ERBB4: variants seen among roughly 807,000 people sequenced by gnomAD.
ERBB4 encodes the protein erb-b2 receptor tyrosine kinase 4, also known as receptor tyrosine-protein kinase erbB-4.
A neutral mutation model predicts 158.0 loss-of-function variants in ERBB4; 42 were observed. The observed-to-expected ratio is 0.27, with a 90% confidence interval of 0.21 to 0.34. ERBB4 has a LOEUF of 0.34. ERBB4 is among the 10% of genes least tolerant of loss of function. ERBB4 has a pLI of 1.00. For missense variants in ERBB4, 1,333 were observed against 1,624.1 expected, an observed-to-expected ratio of 0.82 and a Z score of 3.08; for synonymous variants, 583 against 558.7, an observed-to-expected ratio of 1.04 and a Z score of -0.61.
At chr2:211,888,808 G>T (rs2078878757) in intron 3 of ERBB4, among the ~76,000 whole-genome samples, 1 of 151,758 alleles carries the variant, frequency 6.6e-6, no homozygotes, top group Non-Finnish European at 1.5e-5. Context: ...GGAAAATCGG[G>T]TCACTCCCAC....
At position 211,944,398 on chromosome 2, in the gene ERBB4, A is replaced by G. The variant is rs191438188; in HGVS notation, c.421+3032T>C. Among the ~76,000 whole-genome samples, 8 of 151,668 alleles carry G rather than the reference A, an allele frequency of 5.3e-5. No homozygotes were observed. The East Asian group carries it at 1.6e-3, about 29-fold the overall frequency. On this transcript the variant is annotated intron_variant, in intron 3 of 27. Coordinates refer to ENST00000342788, the MANE Select transcript of ERBB4 (RefSeq NM_005235.3). Reference sequence around the variant, plus strand: ...ATTATTATTGTCTTTTTAATGGTTTATCATTATACAAAGTTGATGTTTGGC... The same window carrying G: ...ATTATTATTGTCTTTTTAATGGTTTGTCATTATACAAAGTTGATGTTTGGC...
intron 20 of ERBB4, among the ~76,000 whole-genome samples, chr2:211,469,530 T>A (rs2064780214): frequency 6.6e-6 from 1 of 152,142 alleles, no homozygotes; most frequent in Non-Finnish European, 1.5e-5. Flanking sequence ...TATATATGTA[T>A]CCTCCTAGGT....
chr2:211,978,212 GGGTAAGTGC>G (rs563726437), intron 2 of ERBB4, among the ~76,000 whole-genome samples: 79 of 152,134 alleles, frequency 5.2e-4, no homozygotes, highest in African/African-American at 1.8e-3. Context: ...TCTGGCAGTT[GGGTAAGTGC>G]AGGGCAATTG....
chr2:212,535,059 AAAAT>A (rs1210455613), intron 1 of ERBB4, among the ~76,000 whole-genome samples: 8 of 152,182 alleles, frequency 5.3e-5, no homozygotes, highest in Non-Finnish European at 1.0e-4. Context: ...ATACATGATT[AAAAT>A]AAATAAAAGC....
chr2:211,938,565 A>C (rs1465892443), intron 3 of ERBB4, among the ~76,000 whole-genome samples: 1 of 152,198 alleles, frequency 6.6e-6, no homozygotes, highest in Admixed American at 6.5e-5. Flanking sequence ...CTCATTGGCC[A>C]CATCTGGCTA....
intron 7 of ERBB4, among the ~76,000 whole-genome samples, chr2:211,718,449 G>A (rs576794586): frequency 6.6e-6 from 1 of 152,086 alleles, no homozygotes; most frequent in South Asian, 2.1e-4. Flanking sequence ...AAATACCTTG[G>A]GGATGAAACC....
chr2:211,728,511 C>A (rs1248960243), intron 5 of ERBB4, among the ~76,000 whole-genome samples: 1 of 151,622 alleles, frequency 6.6e-6, no homozygotes, highest in African/African-American at 2.4e-5. Context: ...AAAGGAAACA[C>A]TTTTAACAGA....
rs560153210 is a variant in ERBB4, at chr2:211,528,221, C to G, written c.2487+33682G>C. On this transcript the variant is annotated intron_variant, in intron 20 of 27. Transcript: ENST00000342788. ...CAAGAGTTGCTATATTTATATCAGA[C>G]AAAATAGATTTCAAGACAAAAACTA... Among the ~76,000 whole-genome samples the G allele has an allele frequency of 2.0e-5, 3 of 151,898 alleles. No individual in the cohort carries two copies. In the East Asian group the frequency reaches 5.8e-4, roughly 29 times the overall value.
chr2:212,060,215 A>T (rs186022822), intron 2 of ERBB4, among the ~76,000 whole-genome samples: 91 of 152,346 alleles, frequency 6.0e-4, no homozygotes, highest in African/African-American at 2.0e-3. Flanking sequence ...AAAAATGCTC[A>T]TCATGACTGG....
intron 3 of ERBB4, among the ~76,000 whole-genome samples, chr2:211,944,193 ATATATAC>A (rs1447321075): frequency 3.7e-4 from 24 of 64,554 alleles, no homozygotes; most frequent in African/African-American, 1.8e-3. Flanking sequence ...ATATATATAT[ATATATAC>A]TATATATATA....
intron 5 of ERBB4, among the ~76,000 whole-genome samples, chr2:211,725,458 A>G (rs539338559): frequency 6.6e-6 from 1 of 151,402 alleles, no homozygotes; most frequent in African/African-American, 2.4e-5. Flanking sequence ...AAAGAATCCA[A>G]TTTGAAGTCA....
chr2:212,311,753 A>T (rs1289436753), intron 1 of ERBB4, among the ~76,000 whole-genome samples: 1 of 151,010 alleles, frequency 6.6e-6, no homozygotes, highest in Admixed American at 6.6e-5. Flanking sequence ...ATTAACCAGA[A>T]GCAAAAAGTT....
At chr2:211,548,072 C>T (rs184975065) in intron 20 of ERBB4, among the ~76,000 whole-genome samples, 27 of 152,214 alleles carry the variant, frequency 1.8e-4, no homozygotes, top group Admixed American at 1.6e-3. Context: ...GATTCTGGGA[C>T]CTGTGCTCTA....
intron 3 of ERBB4, among the ~76,000 whole-genome samples, chr2:211,804,794 C>A (rs189291166): frequency 8.3e-4 from 127 of 152,268 alleles, no homozygotes; most frequent in African/African-American, 3.0e-3. Flanking sequence ...GGCATTGTAG[C>A]CTTCCTTCTT....
chr2:211,965,648 A>G (rs2081291859), intron 2 of ERBB4, among the ~76,000 whole-genome samples: 1 of 152,198 alleles, frequency 6.6e-6, no homozygotes, highest in South Asian at 2.1e-4. Flanking sequence ...AGAGGAAACT[A>G]GAAAAATAAA....
At chr2:212,017,273 G>A (rs1181436510) in intron 2 of ERBB4, among the ~76,000 whole-genome samples, 3 of 152,050 alleles carry the variant, frequency 2.0e-5, no homozygotes, top group African/African-American at 7.2e-5. Context: ...ATAGAGAAGA[G>A]TAAAAAAGCT....
At chr2:212,094,085 T>A (rs1249956290) in intron 2 of ERBB4, among the ~76,000 whole-genome samples, 1 of 151,916 alleles carries the variant, frequency 6.6e-6, no homozygotes, top group African/African-American at 2.4e-5. Flanking sequence ...GGATGTTCTA[T>A]CCCCTCCAAA....
At chr2:211,444,682 A>T (rs1426559962) in intron 20 of ERBB4, among the ~76,000 whole-genome samples, 1 of 152,098 alleles carries the variant, frequency 6.6e-6, no homozygotes, top group Non-Finnish European at 1.5e-5. Context: ...CTCTCTATGT[A>T]GTTGAAAAGA....
At chr2:211,961,819 A>C (rs1238789795) in intron 2 of ERBB4, among the ~76,000 whole-genome samples, 1 of 152,160 alleles carries the variant, frequency 6.6e-6, no homozygotes, top group East Asian at 1.9e-4. Context: ...GAATAGGTAA[A>C]TTATAAGAAG....
Sources: gnomAD v4.1 joint callset for allele counts (sites outside exome capture counted in the v4.1 genomes callset) on GRCh38, gnomAD v4.1.1 for gene constraint, MANE v1.5 for transcripts, NCBI Gene and HGNC (gene_info 2026-07-23, HGNC 2026-07-21) for gene names.